The following PLCE1 variants were observed in gnomAD, a reference collection of about 807,000 sequenced individuals.
PLCE1 encodes 1-phosphatidylinositol 4,5-bisphosphate phosphodiesterase epsilon-1.
Under a neutral mutation model 242.8 loss-of-function variants are expected in PLCE1, and 119 were observed. The ratio of observed to expected loss-of-function variants is 0.49; its 90% CI spans 0.42 to 0.57. The LOEUF (loss-of-function observed/expected upper bound fraction) is 0.57. PLCE1 is among the 20% of genes least tolerant of loss of function. The pLI is 0.00. For missense variants in PLCE1, 2,441 were observed against 2,788.8 expected (o/e 0.88, Z 2.81); for synonymous variants, 945 against 1,017.4 (o/e 0.93, Z 1.35).
chr10:94,176,062 C>A (rs571282475), intron 4 of PLCE1, among the ~76,000 whole-genome samples: 14 of 152,190 alleles, frequency 9.2e-5, no homozygotes, highest in Non-Finnish European at 1.8e-4. Flanking sequence ...GGTTTTCTTT[C>A]TTTGGGGTAT....
chr10:94,106,943 T>TCTCTCC (rs1222191133), intron 2 of PLCE1: 3 of 122,482 alleles, frequency 2.4e-5, no homozygotes, highest in African/African-American at 9.9e-5. Flanking sequence ...TCTCTCTCTC[T>TCTCTCC]CCCCCTCCCC....
At chr10:94,251,649 C>T (rs1414713874) in intron 8 of PLCE1, among the ~76,000 whole-genome samples, 1 of 152,092 alleles carries the variant, frequency 6.6e-6, no homozygotes. Context: ...CACAGAGTTG[C>T]CTTAGAAGCA....
chr10:94,148,909 G>A (rs1463026957), intron 3 of PLCE1, among the ~76,000 whole-genome samples: 3 of 152,168 alleles, frequency 2.0e-5, no homozygotes, highest in African/African-American at 7.2e-5. Flanking sequence ...TGGACTTGGA[G>A]AGATTAAACT....
intron 5 of PLCE1, among the ~76,000 whole-genome samples, chr10:94,231,707 T>C (rs1018224625): frequency 5.3e-5 from 8 of 152,102 alleles, no homozygotes; most frequent in Admixed American, 2.6e-4. Context: ...TGGGGGCAGA[T>C]GGTTTTCAGA....
intron 30 of PLCE1, among the ~76,000 whole-genome samples, chr10:94,323,166 T>C (rs2053883814): frequency 1.3e-5 from 2 of 152,124 alleles, no homozygotes; most frequent in Admixed American, 6.5e-5. Flanking sequence ...AGAGGACAAG[T>C]AGGAGGCCTA....
intron 4 of PLCE1, chr10:94,226,976 A>G (rs1186648821): frequency 2.9e-6 from 1 of 344,080 alleles, no homozygotes; most frequent in Non-Finnish European, 5.7e-6. Flanking sequence ...GGCAGGGTTC[A>G]AGCGATTCTC....
At chr10:93,999,704 G>A (rs1284510913) in intron 1 of PLCE1, among the ~76,000 whole-genome samples, 3 of 152,116 alleles carry the variant, frequency 2.0e-5, no homozygotes, top group African/African-American at 7.2e-5. Flanking sequence ...TCCTGCAGCC[G>A]CCTCGCTCAC....
intron 23 of PLCE1, among the ~76,000 whole-genome samples, chr10:94,297,674 G>T (rs1266789151): frequency 7.2e-6 from 1 of 138,538 alleles, no homozygotes; most frequent in Non-Finnish European, 1.6e-5. Context: ...ATAAAACAAG[G>T]TATGCCTGTA....
chr10:94,247,473 G>T (rs1175220278), intron 8 of PLCE1, among the ~76,000 whole-genome samples: 1 of 152,110 alleles, frequency 6.6e-6, no homozygotes, highest in Non-Finnish European at 1.5e-5. Context: ...TTTATTATTA[G>T]TTAGTGACTA....
At chr10:94,279,953 TG>T in intron 20 of PLCE1, 42 bp downstream of exon 20, 13 of 1,604,640 alleles carry the variant, frequency 8.1e-6, no homozygotes, top group Non-Finnish European at 1.1e-5. Context: ...GGAAAATTCT[TG>T]GATGATTTGC....
Position 94,233,903 on chromosome 10 carries a change from G to T in PLCE1, c.1956-151G>T, listed in dbSNP as rs903788881. On this transcript the variant is annotated intron_variant, in intron 5 of 32. Coordinates refer to ENST00000371380, the MANE Select transcript of PLCE1 (RefSeq NM_016341.4). The stretch of plus-strand genomic sequence containing the variant: ...GCAGAGGTTGCAGTGAGCCAAGATC[G>T]CACCACTGCACTCCAGCCTGGGCAA... The T allele has an allele frequency of 1.2e-5, 8 of 676,974 alleles. No individual in the cohort carries two copies. In the Admixed American group the frequency reaches 1.4e-4, roughly 12 times the overall value. The allele number at this position is 676,974 out of a possible 1,614,324, so 41.9% of individuals were successfully genotyped here.
At chr10:94,134,194 A>C (rs2046695898) in intron 3 of PLCE1, among the ~76,000 whole-genome samples, 1 of 150,736 alleles carries the variant, frequency 6.6e-6, no homozygotes, top group African/African-American at 2.4e-5. Context: ...TCTGCCTCCC[A>C]AGTTCAAGTT....
At chr10:94,093,173 G>T (rs1297177748) in intron 2 of PLCE1, among the ~76,000 whole-genome samples, 1 of 152,098 alleles carries the variant, frequency 6.6e-6, no homozygotes, top group Non-Finnish European at 1.5e-5. Context: ...CTAAACCTTG[G>T]TTGCCTGGTA....
intron 1 of PLCE1, among the ~76,000 whole-genome samples, chr10:93,995,800 C>T (rs2060808321): frequency 6.6e-6 from 1 of 152,186 alleles, no homozygotes; most frequent in Non-Finnish European, 1.5e-5. Context: ...ACATAAACTC[C>T]TGGGATGTGG....
intron 4 of PLCE1, 26 bp downstream of exon 4, chr10:94,171,522 G>T: frequency 1.3e-6 from 2 of 1,563,978 alleles, no homozygotes; most frequent in South Asian, 2.2e-5. Flanking sequence ...TTGATGTCTT[G>T]GTATTTGACT....
chr10:94,317,368 T>C (rs2053611875), intron 29 of PLCE1, among the ~76,000 whole-genome samples: 1 of 152,184 alleles, frequency 6.6e-6, no homozygotes, highest in South Asian at 2.1e-4. Flanking sequence ...ATGCATGTCA[T>C]CAGCTATGGG....
At chr10:94,278,025 C>T (rs867206526) in intron 19 of PLCE1, among the ~76,000 whole-genome samples, 6 of 152,218 alleles carry the variant, frequency 3.9e-5, no homozygotes, top group East Asian at 1.9e-4. Flanking sequence ...TTTGAGAAAT[C>T]GCAGCCTAGA....
intron 1 of PLCE1, among the ~76,000 whole-genome samples, chr10:94,023,119 A>G (rs1276053629): frequency 2.0e-5 from 3 of 152,164 alleles, no homozygotes; most frequent in African/African-American, 7.2e-5. Context: ...TAATGCGGAC[A>G]GGTGGGTGTC....
At chr10:94,144,493 C>CT (rs570086790) in intron 3 of PLCE1, among the ~76,000 whole-genome samples, 228 of 152,262 alleles carry the variant, frequency 1.5e-3, no homozygotes, top group African/African-American at 5.3e-3. Context: ...ATATAGACAC[C>CT]TATGAGGGTA....
Sources: allele counts gnomAD v4.1 joint callset (sites outside exome capture counted in the v4.1 genomes callset), GRCh38; gene constraint gnomAD v4.1.1; transcripts MANE v1.5; gene names NCBI Gene and HGNC (gene_info 2026-07-23, HGNC 2026-07-21).